The following COL24A1 variants were observed in gnomAD, a reference collection of about 807,000 sequenced individuals.
COL24A1 encodes the protein collagen alpha-1(XXIV) chain.
COL24A1 carries 224 observed loss-of-function variants against 253.9 expected under a neutral mutation model. That is an observed-to-expected ratio of 0.88 (90% CI 0.79 to 0.99). The LOEUF (loss-of-function observed/expected upper bound fraction) is 0.99. Ranked by LOEUF, COL24A1 falls within the 50% of genes least tolerant of loss-of-function variation. The probability of loss-of-function intolerance (pLI) is 0.00; values close to 1 mark genes in which losing one functional copy is unlikely to be tolerated. For synonymous variants in COL24A1, 685 were observed against 673.7 expected, an observed-to-expected ratio of 1.02 and a Z score of -0.26; for missense variants, 2,131 against 2,068.5, an observed-to-expected ratio of 1.03 and a Z score of -0.59.
At chr1:85,785,833 G>A (rs941990160) in intron 48 of COL24A1, among the ~76,000 whole-genome samples, 2 of 152,200 alleles carry the variant, frequency 1.3e-5, no homozygotes, top group African/African-American at 4.8e-5. Flanking sequence ...AATCCTGTAT[G>A]AGATATTTCT....
intron 20 of COL24A1, among the ~76,000 whole-genome samples, chr1:85,986,136 T>C (rs1022165266): frequency 4.0e-5 from 6 of 151,850 alleles, no homozygotes; most frequent in African/African-American, 1.4e-4. Context: ...TTATTCATTA[T>C]GATTATTATT....
intron 19 of COL24A1, among the ~76,000 whole-genome samples, chr1:85,990,135 C>CT (rs140557933): frequency 0.03 from 4,527 of 148,736 alleles, 95 homozygotes; most frequent in Middle Eastern, 0.11. Context: ...CTTTTCTTTT[C>CT]TTTTTTTTTT....
rs1304593318 is a variant in COL24A1 at position 85,854,538 on chromosome 1, CTTT to C, written c.3301-5135_3301-5133del. Among the ~76,000 whole-genome samples the C allele has an allele frequency of 5.8e-3, 880 of 152,158 alleles. 3 individuals are homozygous for C. Among genetic ancestry groups the C allele is most frequent in the Admixed American group, 9.9e-3 (152 of 15,284 alleles). Reference sequence around the variant, plus strand: ...TAATCTGATAGGACTGGCATTGAGTCTTTAAATTGCTTTTGAGAAGTATGGCCA... The same window carrying C: ...TAATCTGATAGGACTGGCATTGAGTCAAATTGCTTTTGAGAAGTATGGCCA... On this transcript the variant is annotated intron_variant, in intron 37 of 59. Transcript: ENST00000370571.
At chr1:85,743,469 C>T (rs1664862566) in intron 57 of COL24A1, among the ~76,000 whole-genome samples, 1 of 152,118 alleles carries the variant, frequency 6.6e-6, no homozygotes, top group Non-Finnish European at 1.5e-5. Flanking sequence ...ATCTTGTGCT[C>T]CACTTCCTAT....
At chr1:86,046,960 T>C in intron 11 of COL24A1, 91 bp from the exon 12 acceptor site, 2 of 807,560 alleles carry the variant, frequency 2.5e-6, no homozygotes, top group Non-Finnish European at 4.3e-6. Context: ...CAATAAAGTA[T>C]GAAAAAGACA....
At chr1:85,964,966 G>A in intron 23 of COL24A1, 43 bp downstream of exon 23, 1 of 1,522,310 alleles carries the variant, frequency 6.6e-7, no homozygotes, top group Non-Finnish European at 9.0e-7. Context: ...TTATCTTTCT[G>A]AAAATTATAT....
At chr1:86,132,554 G>A (rs1032917924) in intron 2 of COL24A1, among the ~76,000 whole-genome samples, 13 of 152,286 alleles carry the variant, frequency 8.5e-5, no homozygotes, top group East Asian at 3.9e-4. Flanking sequence ...AAGGTGTAAG[G>A]AAGGGATCCA....
At position 86,085,428 on chromosome 1, in the gene COL24A1, G is replaced by A. The variant is rs774910111; in HGVS notation, c.1707+3746C>T. On this transcript the variant is annotated intron_variant, in intron 7 of 59. Transcript: ENST00000370571. ...TATTTATAAAAATTTGTTTTAAAATGTGTGCATCATATTTCACAACTGCTC... is the reference window on the plus strand; with the variant it reads ...TATTTATAAAAATTTGTTTTAAAATATGTGCATCATATTTCACAACTGCTC... 2.8e-4 allele frequency among the ~76,000 whole-genome samples: 43 copies of A among 152,156 alleles called. 1 individual carries two copies. The highest frequency in any genetic ancestry group is 1.5e-3 in the Admixed American group (23 of 15,274).
chr1:85,847,767 A>G lies in COL24A1; in HGVS notation c.3360T>C (p.Asp1120=). ...GQRGRPGKKG[D]KGQIGPTGEV... is the part of the protein sequence containing the mutation. The stretch of plus-strand genomic sequence containing the variant: ...CTCCTGTGGGTCCTATTTGTCCTTT[A>G]TCACCCTGTGGATGACATTATTAAG... Residue 1120 remains aspartate (D), a synonymous_variant, in exon 39 of 60, where the codon GAT becomes GAC. Transcript: ENST00000370571. 2 of 1,610,772 alleles carry G rather than the reference A, an allele frequency of 1.2e-6. No homozygotes were observed. The highest frequency in any genetic ancestry group is 1.7e-6 in the Non-Finnish European group (2 of 1,177,238).
chr1:86,050,414 T>A (rs1425776716), intron 10 of COL24A1, among the ~76,000 whole-genome samples: 1 of 152,132 alleles, frequency 6.6e-6, no homozygotes, highest in Non-Finnish European at 1.5e-5. Flanking sequence ...TAAGCCCAAA[T>A]AATTTCCTTC....
intron 7 of COL24A1, among the ~76,000 whole-genome samples, chr1:86,072,001 G>T (rs1701910402): frequency 6.6e-6 from 1 of 152,202 alleles, no homozygotes; most frequent in Non-Finnish European, 1.5e-5. Flanking sequence ...TTTTCCCACG[G>T]TCTGTGAAAC....
intron 45 of COL24A1, among the ~76,000 whole-genome samples, chr1:85,821,719 A>T (rs1673640919): frequency 6.6e-6 from 1 of 152,160 alleles, no homozygotes; most frequent in African/African-American, 2.4e-5. Flanking sequence ...CAGAATTTAA[A>T]CTATGGCTTC....
At chr1:85,756,333 C>T (rs1290421881) in intron 55 of COL24A1, among the ~76,000 whole-genome samples, 1 of 151,952 alleles carries the variant, frequency 6.6e-6, no homozygotes, top group African/African-American at 2.4e-5. Flanking sequence ...GCAGGAGAAT[C>T]ACTTGAACCT....
At chr1:85,748,275 T>A (rs1362627362) in intron 55 of COL24A1, among the ~76,000 whole-genome samples, 2 of 152,220 alleles carry the variant, frequency 1.3e-5, no homozygotes, top group African/African-American at 4.8e-5. Context: ...TGGTACTCTA[T>A]GATAAAACTG....
chr1:86,099,437 A>C (rs764415323), intron 5 of COL24A1, among the ~76,000 whole-genome samples: 5 of 152,210 alleles, frequency 3.3e-5, no homozygotes, highest in Non-Finnish European at 5.9e-5. Flanking sequence ...AAAATTAACA[A>C]AGCCAAATAT....
intron 1 of COL24A1, among the ~76,000 whole-genome samples, chr1:86,146,491 A>C (rs1254062573): frequency 6.6e-6 from 1 of 152,012 alleles, no homozygotes. Flanking sequence ...AGTACCTGGC[A>C]CATAGGAAAC....
chr1:85,769,528 G>A (rs1436387857), intron 53 of COL24A1, among the ~76,000 whole-genome samples: 2 of 152,016 alleles, frequency 1.3e-5, no homozygotes, highest in African/African-American at 2.4e-5. Flanking sequence ...TGCCTGCCCC[G>A]AGAAATGTTC....
intron 7 of COL24A1, among the ~76,000 whole-genome samples, chr1:86,086,966 T>C (rs946131096): frequency 6.6e-6 from 1 of 152,212 alleles, no homozygotes; most frequent in Non-Finnish European, 1.5e-5. Context: ...ATCTCAAATA[T>C]TTCAACGCTA....
chr1:86,085,147 C>T (rs1477001079), intron 7 of COL24A1, among the ~76,000 whole-genome samples: 2 of 152,074 alleles, frequency 1.3e-5, no homozygotes, highest in African/African-American at 2.4e-5. Flanking sequence ...ACTATCCTTG[C>T]TTTAAAAAGT....
Sources: allele counts gnomAD v4.1 joint callset (sites outside exome capture counted in the v4.1 genomes callset), GRCh38; gene constraint gnomAD v4.1.1; transcripts MANE v1.5; gene names NCBI Gene and HGNC (gene_info 2026-07-23, HGNC 2026-07-21).